Variants in BORCS7 observed in about 807,000 individuals in gnomAD.
The protein encoded by BORCS7 is BLOC-1 related complex subunit 7.
In BORCS7, 20 loss-of-function variants were observed where a neutral mutation model predicts 17.5. That is an observed-to-expected ratio of 1.14 (90% CI 0.80 to 1.66). The LOEUF is 1.66. Ranked by LOEUF, BORCS7 falls within the 40% of genes most tolerant of loss-of-function variation. The probability of loss-of-function intolerance (pLI) is 0.00; values close to 1 mark genes in which losing one functional copy is unlikely to be tolerated. For synonymous variants in BORCS7, 57 were observed against 49.8 expected (o/e 1.14, Z -0.61); for missense variants, 122 against 129.7 (o/e 0.94, Z 0.29).
At chr10:102,857,633 G>A (rs546326666) in intron 1 of BORCS7, among the ~76,000 whole-genome samples, 3 of 152,272 alleles carry the variant, frequency 2.0e-5, no homozygotes, top group African/African-American at 7.2e-5. Context: ...TAAAAGCTAT[G>A]AGATAAGATC....
At chr10:102,862,734 A>G in intron 4 of BORCS7, 139 bp from the exon 5 acceptor site, 2 of 694,608 alleles carry the variant, frequency 2.9e-6, no homozygotes, top group East Asian at 5.4e-5. Flanking sequence ...GGATTGCTTG[A>G]GCCCAGAGTT....
chr10:102,861,349 G>A (rs1227125089), intron 3 of BORCS7, among the ~76,000 whole-genome samples: 3 of 151,536 alleles, frequency 2.0e-5, no homozygotes, highest in African/African-American at 7.3e-5. Flanking sequence ...CTGGGAGGTG[G>A]AGTTTGCAGT....
At chr10:102,854,471 C>T (rs1036308354) in intron 1 of BORCS7, 44 bp downstream of exon 1, 1 of 1,505,416 alleles carries the variant, frequency 6.6e-7, no homozygotes, top group African/African-American at 1.4e-5. Context: ...TCCGGGGAGT[C>T]GCAGTCTTTC....
chr10:102,856,424 T>A (rs911420119), intron 1 of BORCS7, among the ~76,000 whole-genome samples: 6 of 152,150 alleles, frequency 3.9e-5, no homozygotes, highest in African/African-American at 1.2e-4. Flanking sequence ...AACAATTTTT[T>A]AAATGTGTGT....
chr10:102,862,888 G>A lies in BORCS7; in HGVS notation c.285G>A (p.Ser95=), dbSNP rs771970582. Residue 95 remains serine, a synonymous_variant, in exon 5 of 5, where the codon TCG becomes TCA. Transcript: ENST00000339834. ...TAATTCCTAGTGTTGAACAGTCATCGGATCTACAGGACCAGTTGAATCATC... is the reference window on the plus strand; with the variant it reads ...TAATTCCTAGTGTTGAACAGTCATCAGATCTACAGGACCAGTTGAATCATC... ...EAIQKNVEQS[S]DLQDQLNHLL... 10 of 1,609,244 alleles carry A rather than the reference G, an allele frequency of 6.2e-6. No individual in the cohort carries two copies. Among genetic ancestry groups the A allele is most frequent in the African/African-American group, 4.0e-5 (3 of 74,792 alleles).
chr10:102,855,250 C>T (rs1844408540), intron 1 of BORCS7, among the ~76,000 whole-genome samples: 2 of 151,036 alleles, frequency 1.3e-5, no homozygotes, highest in South Asian at 2.1e-4. Flanking sequence ...CTTCCGCCTC[C>T]TGGGTTCAAG....
intron 1 of BORCS7, among the ~76,000 whole-genome samples, chr10:102,855,528 A>T (rs563519129): frequency 1.3e-4 from 20 of 152,344 alleles, no homozygotes; most frequent in Middle Eastern, 3.4e-3. Flanking sequence ...TAAAAAACTC[A>T]TTCCACAGTA....
intron 4 of BORCS7, 65 bp from the exon 5 acceptor site, chr10:102,862,808 G>A (rs1844541044): frequency 6.8e-7 from 1 of 1,461,420 alleles, no homozygotes. Flanking sequence ...TTTGTAAATA[G>A]TTGTACAAAG....
intron 3 of BORCS7, among the ~76,000 whole-genome samples, chr10:102,861,795 A>G (rs549850256): frequency 2.3e-3 from 350 of 152,294 alleles, no homozygotes; most frequent in African/African-American, 7.4e-3. Flanking sequence ...ACTCTTCGAT[A>G]TTTAAATAGC....
chr10:102,861,322 A>T (rs1383816294), intron 3 of BORCS7, among the ~76,000 whole-genome samples: 2 of 151,772 alleles, frequency 1.3e-5, no homozygotes, highest in East Asian at 3.9e-4. Flanking sequence ...AGGCTGAAGC[A>T]TGAGAATTGC....
At chr10:102,859,618 T>G (rs1356892611) in intron 1 of BORCS7, among the ~76,000 whole-genome samples, 8 of 149,780 alleles carry the variant, frequency 5.3e-5, no homozygotes, top group Admixed American at 4.1e-4. Context: ...CAGGCTGGAG[T>G]ACAGTGGTGA....
intron 1 of BORCS7, among the ~76,000 whole-genome samples, chr10:102,854,670 T>C (rs2134094245): frequency 6.6e-6 from 1 of 151,896 alleles, no homozygotes; most frequent in Non-Finnish European, 1.5e-5. Flanking sequence ...AACAGCTCTT[T>C]GGGAGGCCGA....
intron 1 of BORCS7, 148 bp from the exon 2 acceptor site, chr10:102,860,184 A>G: frequency 1.5e-6 from 1 of 686,796 alleles, no homozygotes; most frequent in Non-Finnish European, 2.5e-6. Context: ...ACAAATAGAA[A>G]ATTATCCTTC....
At chr10:102,857,722 C>T (rs892521978) in intron 1 of BORCS7, among the ~76,000 whole-genome samples, 3 of 152,202 alleles carry the variant, frequency 2.0e-5, no homozygotes, top group Non-Finnish European at 4.4e-5. Flanking sequence ...CAGCAGAGAA[C>T]TGACTGAATA....
chr10:102,855,550 A>G (rs891904177), intron 1 of BORCS7, among the ~76,000 whole-genome samples: 21 of 152,204 alleles, frequency 1.4e-4, no homozygotes, highest in Admixed American at 1.3e-3. Context: ...TCATTTAACA[A>G]ATACTTATTG....
Position 102,860,546 on chromosome 10 carries a change from G to A in BORCS7, c.248+5G>A. 1.2e-6 allele frequency: 2 copies of A among 1,611,964 alleles called. No homozygotes were observed. Among genetic ancestry groups the A allele is most frequent in the Middle Eastern group, 1.7e-4 (1 of 6,050 alleles). ...AACAACACATCTTCAATACCAGTGA[G>A]TATGCCCCCTCCAGCAACTATTTGC... On this transcript the variant is annotated splice_donor_5th_base_variant and intron_variant, in intron 3 of 4. Transcript: ENST00000339834.
At position 102,862,891 on chromosome 10, in the gene BORCS7, T is replaced by C; in HGVS notation, c.288T>C (p.Asp96=). 1.2e-6 allele frequency: 2 copies of C among 1,610,062 alleles called. No homozygotes were observed. Among genetic ancestry groups the C allele is most frequent in the Non-Finnish European group, 1.7e-6 (2 of 1,176,242 alleles). The part of the protein sequence containing the change: ...AIQKNVEQSS[D]LQDQLNHLLK Reference sequence around the variant, plus strand: ...TTCCTAGTGTTGAACAGTCATCGGATCTACAGGACCAGTTGAATCATCTGT... The same window carrying C: ...TTCCTAGTGTTGAACAGTCATCGGACCTACAGGACCAGTTGAATCATCTGT... Residue 96 remains aspartate, a synonymous_variant, in exon 5 of 5, where the codon GAT becomes GAC. Transcript: ENST00000339834.
intron 3 of BORCS7, among the ~76,000 whole-genome samples, chr10:102,861,679 A>C (rs544604625): frequency 6.6e-6 from 1 of 151,942 alleles, no homozygotes; most frequent in East Asian, 1.9e-4. Flanking sequence ...ATCGGGCACC[A>C]CTCCACTGCA....
intron 1 of BORCS7, among the ~76,000 whole-genome samples, chr10:102,859,224 C>T (rs1377176394): frequency 6.6e-6 from 1 of 151,296 alleles, no homozygotes; most frequent in Admixed American, 6.6e-5. Flanking sequence ...CTCACTGCAA[C>T]CTCTGCCTCC....
Sources: allele counts gnomAD v4.1 joint callset (sites outside exome capture counted in the v4.1 genomes callset), GRCh38; gene constraint gnomAD v4.1.1; transcripts MANE v1.5; gene names NCBI Gene and HGNC (gene_info 2026-07-23, HGNC 2026-07-21).